COG3: variants seen among roughly 807,000 people sequenced by gnomAD.
The protein encoded by COG3 is component of oligomeric golgi complex 3, also known as conserved oligomeric Golgi complex subunit 3.
COG3 carries 32 observed loss-of-function variants against 114.1 expected under a neutral mutation model. The ratio of observed to expected loss-of-function variants is 0.28; its 90% CI spans 0.21 to 0.38. COG3 has a LOEUF of 0.38. Among genes scored for constraint, COG3 ranks in the 10% least tolerant of loss-of-function variants. The pLI is 1.00. For missense variants in COG3, 813 were observed against 973.2 expected, an observed-to-expected ratio of 0.84 and a Z score of 2.19; for synonymous variants, 352 against 365.7, an observed-to-expected ratio of 0.96 and a Z score of 0.43.
chr13:45,517,799 TTTC>T (rs912642892), intron 17 of COG3, among the ~76,000 whole-genome samples: 1 of 152,222 alleles, frequency 6.6e-6, no homozygotes, highest in African/African-American at 2.4e-5. Flanking sequence ...CTTTCATTTT[TTTC>T]TAAAGTTGTA....
chr13:45,508,068 T>TAAAAA (rs10571583), intron 14 of COG3, among the ~76,000 whole-genome samples: 691 of 32,300 alleles, frequency 0.021, 47 homozygotes, highest in African/African-American at 0.03. Context: ...AGGTCCAACC[T>TAAAAA]AAAAAAAAAA....
chr13:45,488,896 G>T (rs1886836254), intron 8 of COG3, among the ~76,000 whole-genome samples: 1 of 151,826 alleles, frequency 6.6e-6, no homozygotes, highest in Non-Finnish European at 1.5e-5. Context: ...TTGAAAGTCA[G>T]CCAATTGATG....
chr13:45,534,581 A>C (rs1873428793), intron 22 of COG3, 121 bp from the exon 23 acceptor site: 1 of 530,394 alleles, frequency 1.9e-6, no homozygotes, highest in Admixed American at 4.0e-5. Flanking sequence ...CAGGTTTGTT[A>C]CCTGGCTGTA....
chr13:45,519,277 T>G (rs764309840), intron 19 of COG3, among the ~76,000 whole-genome samples, 183 bp downstream of exon 19: 9 of 152,256 alleles, frequency 5.9e-5, no homozygotes, highest in Non-Finnish European at 1.2e-4. Flanking sequence ...CTTTTAGATA[T>G]GCTTGCACAG....
chr13:45,509,599 A>G, intron 14 of COG3, 93 bp from the exon 15 acceptor site: 1 of 1,505,740 alleles, frequency 6.6e-7, no homozygotes, highest in South Asian at 1.3e-5. Flanking sequence ...CTTATAGCTA[A>G]TGAGAATAAG....
intron 14 of COG3, among the ~76,000 whole-genome samples, chr13:45,503,839 C>T (rs1250813510): frequency 1.3e-5 from 2 of 152,018 alleles, no homozygotes; most frequent in Non-Finnish European, 2.9e-5. Context: ...ATGTGATAGT[C>T]TCATGGCCTT....
chr13:45,491,034 T>G (rs1886988057), intron 9 of COG3, 76 bp downstream of exon 9: 2 of 947,820 alleles, frequency 2.1e-6, no homozygotes, highest in Non-Finnish European at 3.3e-6. Context: ...TCTGGATCTC[T>G]GATATTTTAT....
At chr13:45,490,164 G>A (rs1886933332) in intron 8 of COG3, among the ~76,000 whole-genome samples, 1 of 152,184 alleles carries the variant, frequency 6.6e-6, no homozygotes, top group African/African-American at 2.4e-5. Context: ...ATTAAGGTCA[G>A]TGCTTCTGAG....
At chr13:45,512,727 A>T (rs765767742) in intron 16 of COG3, among the ~76,000 whole-genome samples, 1 of 151,856 alleles carries the variant, frequency 6.6e-6, no homozygotes, top group Non-Finnish European at 1.5e-5. Context: ...TCCTGAGGTG[A>T]AGCAATTCTC....
chr13:45,508,522 G>A (rs1456543592), intron 14 of COG3, among the ~76,000 whole-genome samples: 2 of 151,524 alleles, frequency 1.3e-5, no homozygotes, highest in African/African-American at 4.8e-5. Context: ...AATTATTGAC[G>A]TCATTGACAC....
chr13:45,470,753 G>T (rs1885423608), intron 1 of COG3, among the ~76,000 whole-genome samples: 1 of 152,188 alleles, frequency 6.6e-6, no homozygotes, highest in African/African-American at 2.4e-5. Flanking sequence ...ATGGGTCTAG[G>T]TGATGTTGGA....
intron 1 of COG3, among the ~76,000 whole-genome samples, chr13:45,471,193 C>A (rs911181390): frequency 6.6e-6 from 1 of 151,836 alleles, no homozygotes. Context: ...TGCTTGAGCT[C>A]AGGAGTTCAA....
chr13:45,478,544 C>T (rs1886049567), intron 2 of COG3, among the ~76,000 whole-genome samples: 1 of 148,554 alleles, frequency 6.7e-6, no homozygotes, highest in South Asian at 2.1e-4. Flanking sequence ...GCGATCTCGG[C>T]TCGCTGTGAT....
At chr13:45,529,063 T>C (rs1872942318) in intron 20 of COG3, among the ~76,000 whole-genome samples, 1 of 152,166 alleles carries the variant, frequency 6.6e-6, no homozygotes, top group Non-Finnish European at 1.5e-5. Flanking sequence ...TATCACAATC[T>C]TAGTAATTTT....
chr13:45,484,437 AT>A (rs1886439642), intron 7 of COG3, among the ~76,000 whole-genome samples: 2 of 152,112 alleles, frequency 1.3e-5, no homozygotes, highest in Admixed American at 6.5e-5. Flanking sequence ...CTCAATTCAG[AT>A]CTGTTTACCA....
intron 1 of COG3, among the ~76,000 whole-genome samples, chr13:45,474,151 CTTTTTTTTT>C (rs10558884): frequency 3.7e-5 from 3 of 82,012 alleles, no homozygotes; most frequent in Non-Finnish European, 6.9e-5. Context: ...CTTTTTTACT[CTTTTTTTTT>C]TTTTTTTTTT....
intron 1 of COG3, among the ~76,000 whole-genome samples, chr13:45,470,108 G>T: frequency 6.6e-6 from 1 of 152,134 alleles, no homozygotes; most frequent in East Asian, 1.9e-4. Flanking sequence ...AGTAAATTCT[G>T]TCTTTTCCTT....
At position 45,506,276 on chromosome 13, in the gene COG3, C is replaced by T. The variant is rs899390979; in HGVS notation, c.1594+2927C>T. Among the ~76,000 whole-genome samples the T allele has an allele frequency of 1.1e-4, 16 of 151,954 alleles. 1 individual carries two copies. Among genetic ancestry groups the T allele is most frequent in the Admixed American group, 7.2e-4 (11 of 15,272 alleles). On this transcript the variant is annotated intron_variant, in intron 14 of 22. Coordinates refer to ENST00000349995, the MANE Select transcript of COG3 (RefSeq NM_031431.4). ...AGACGTCTTGGGAGAGAAACTGAGC[C>T]AGTGCTGACGTTAAGGAGCAAATGG...
In COG3 at chr13:45,529,840, G is replaced by A. The variant is rs1335812703; in HGVS notation, c.2280G>A (p.Lys760=). The A allele has an allele frequency of 6.2e-7, 1 of 1,613,582 alleles. No homozygotes were observed. The highest frequency in any genetic ancestry group is 1.1e-5 in the South Asian group (1 of 91,048). The part of the protein sequence containing the change: ...AATAYKTIKT[K]LPVTLRSMSL... ...CTGCATATAAGACAATAAAAACAAA[G>A]CTGCCTGTGACATTGAGAAGTATGT... Residue 760 remains lysine, a synonymous_variant, in exon 21 of 23, where the codon AAG becomes AAA. Transcript: ENST00000349995.
Sources: allele counts gnomAD v4.1 joint callset (sites outside exome capture counted in the v4.1 genomes callset), GRCh38; gene constraint gnomAD v4.1.1; transcripts MANE v1.5; gene names NCBI Gene and HGNC (gene_info 2026-07-23, HGNC 2026-07-21).